Variants in OR1J2 observed in about 807,000 individuals in gnomAD.
OR1J2 encodes olfactory receptor family 1 subfamily J member 2, also known as olfactory receptor 1J2.
For synonymous variants in OR1J2, 142 were observed against 99.7 expected (o/e 1.42, Z -2.52); for missense variants, 304 against 246.1 (o/e 1.24, Z -1.57).
chr9:122,568,248 C>A, the OR1J2 span: 3 of 1,613,908 alleles, frequency 1.9e-6, no homozygotes, highest in Non-Finnish European at 2.5e-6. Flanking sequence ...GGGGACAACG[C>A]TTGTTGTAAA....
the OR1J2 span, chr9:122,519,176 C>T: frequency 2.0e-5 from 32 of 1,611,662 alleles, no homozygotes; most frequent in South Asian, 3.3e-4. Flanking sequence ...TGTCTGAGTT[C>T]CTCCTCCTGG....
the OR1J2 span, among the ~76,000 whole-genome samples, chr9:122,472,195 C>T: frequency 6.4e-4 from 97 of 152,252 alleles, 2 homozygotes; most frequent in South Asian, 0.018. Flanking sequence ...GTATGTTCTC[C>T]CCCTGGATTG....
At chr9:122,540,801 G>A in the OR1J2 span, among the ~76,000 whole-genome samples, 3 of 152,130 alleles carry the variant, frequency 2.0e-5, no homozygotes, top group Non-Finnish European at 2.9e-5. Context: ...TTGAACAGTG[G>A]TTTGTAGCTC....
At chr9:122,451,785 T>G in the OR1J2 span, among the ~76,000 whole-genome samples, 19 of 152,204 alleles carry the variant, frequency 1.2e-4, no homozygotes, top group Non-Finnish European at 2.5e-4. Context: ...TCATACACAT[T>G]TCCCATAACT....
At chr9:122,476,871 A>G in the OR1J2 span, 13 of 627,082 alleles carry the variant, frequency 2.1e-5, no homozygotes, top group Non-Finnish European at 3.1e-5. Context: ...ATGCCCGGCT[A>G]ATTTTTTTGT....
chr9:122,466,264 G>A, the OR1J2 span, among the ~76,000 whole-genome samples: 1 of 152,146 alleles, frequency 6.6e-6, no homozygotes, highest in Non-Finnish European at 1.5e-5. Context: ...GGCTATTCTT[G>A]AGGCTTTTCC....
chr9:122,486,539 A>C, the OR1J2 span, among the ~76,000 whole-genome samples: 1 of 152,240 alleles, frequency 6.6e-6, no homozygotes, highest in African/African-American at 2.4e-5. Context: ...TTGTGCCATG[A>C]TGGTGATGTC....
chr9:122,538,394 T>C, the OR1J2 span, among the ~76,000 whole-genome samples: 1 of 152,218 alleles, frequency 6.6e-6, no homozygotes, highest in South Asian at 2.1e-4. Flanking sequence ...TTGTGGCTAT[T>C]GTAAATGGAA....
the OR1J2 span, among the ~76,000 whole-genome samples, chr9:122,564,604 G>T: frequency 1.6e-3 from 240 of 152,354 alleles, 1 homozygote; most frequent in African/African-American, 5.4e-3. Flanking sequence ...GCAGAAGATA[G>T]ATGGATCCTG....
At chr9:122,471,799 G>C in the OR1J2 span, among the ~76,000 whole-genome samples, 1 of 152,108 alleles carries the variant, frequency 6.6e-6, no homozygotes, top group Non-Finnish European at 1.5e-5. Context: ...TACTAAAGAA[G>C]CACAGAATTG....
At position 122,511,543 on chromosome 9, in the gene OR1J2, G is replaced by C; in HGVS notation, c.742G>C (p.Val248Leu). Residue 248 changes from valine (V) to leucine (L), a missense_variant, in exon 1 of 1, where the codon GTG (valine) becomes CTG (leucine). Val to Leu is a conservative substitution (Grantham distance 32, BLOSUM62 1). Coordinates refer to ENST00000335302, the MANE Select transcript of OR1J2 (RefSeq NM_054107.1). ...CACATGTGGCTCCCATCTCTCTGTGGTGTCTCTCTATTATGGGTCAATATT... is the reference window on the plus strand; with the variant it reads ...CACATGTGGCTCCCATCTCTCTGTGCTGTCTCTCTATTATGGGTCAATATT... ...LSTCGSHLSV[V>L]SLYYGSIFGQ... The C allele has an allele frequency of 1.3e-6, 1 of 781,022 alleles. No individual in the cohort carries two copies. The highest frequency in any genetic ancestry group is 2.4e-6 in the Non-Finnish European group (1 of 418,122). 48.4% of individuals were successfully genotyped at this position (781,022 alleles called of 1,614,324 possible).
the OR1J2 span, among the ~76,000 whole-genome samples, chr9:122,577,110 A>G: frequency 6.6e-6 from 1 of 152,220 alleles, no homozygotes; most frequent in African/African-American, 2.4e-5. Context: ...AAAGTGGCAT[A>G]TGCTTCTAGG....
At chr9:122,567,434 T>G in the OR1J2 span, 1 of 740,746 alleles carries the variant, frequency 1.3e-6, no homozygotes. Context: ...TAGCCTTGTC[T>G]CACATGGGTC....
chr9:122,518,415 G>A, the OR1J2 span, among the ~76,000 whole-genome samples: 1 of 152,160 alleles, frequency 6.6e-6, no homozygotes, highest in Non-Finnish European at 1.5e-5. Context: ...TTTCTGGTGC[G>A]GGTCCACTTT....
chr9:122,494,145 T>C, the OR1J2 span, among the ~76,000 whole-genome samples: 5 of 152,082 alleles, frequency 3.3e-5, no homozygotes, highest in Non-Finnish European at 7.4e-5. Flanking sequence ...ATGAATAGAG[T>C]GTATATCCTG....
chr9:122,519,254 G>A, the OR1J2 span: 9 of 1,613,962 alleles, frequency 5.6e-6, no homozygotes, highest in South Asian at 2.2e-5. Context: ...ACCTGATCAC[G>A]GTGCTGGGGA....
At chr9:122,488,295 G>A in the OR1J2 span, among the ~76,000 whole-genome samples, 14 of 152,016 alleles carry the variant, frequency 9.2e-5, no homozygotes, top group Admixed American at 5.2e-4. Flanking sequence ...GTGCCACCAC[G>A]TCCAGCTAAT....
chr9:122,577,030 T>A, the OR1J2 span: 1 of 152,200 alleles, frequency 6.6e-6, no homozygotes, highest in African/African-American at 2.4e-5. Context: ...GGTTTTTAAA[T>A]GACAATAATT....
chr9:122,464,384 A>G, the OR1J2 span, among the ~76,000 whole-genome samples: 1 of 152,198 alleles, frequency 6.6e-6, no homozygotes, highest in South Asian at 2.1e-4. Context: ...GCAGGCTCCA[A>G]GCCTCTCAGC....
Sources: gnomAD v4.1 joint callset for allele counts (sites outside exome capture counted in the v4.1 genomes callset) on GRCh38, gnomAD v4.1.1 for gene constraint, MANE v1.5 for transcripts, NCBI Gene and HGNC (gene_info 2026-07-23, HGNC 2026-07-21) for gene names.